AKR1C3: variants seen among roughly 807,000 people sequenced by gnomAD.
AKR1C3 encodes the protein 3-alpha hydroxysteroid dehydrogenase, type II.
Under a neutral mutation model 43.6 loss-of-function variants are expected in AKR1C3, and 48 were observed. The observed-to-expected ratio is 1.10, with a 90% CI of 0.87 to 1.40. The LOEUF (loss-of-function observed/expected upper bound fraction) is 1.40. Among genes scored for constraint, AKR1C3 ranks in the 40% most tolerant of loss-of-function variants. The pLI, the probability that AKR1C3 is intolerant of heterozygous loss-of-function variation, is 0.00. For synonymous variants in AKR1C3, 162 were observed against 139.6 expected (o/e 1.16, Z -1.13); for missense variants, 482 against 391.2 (o/e 1.23, Z -1.96).
At chr10:5,048,854 T>C (rs781981438) in exon 1 of AKR1C3, 1 of 1,613,916 alleles carries the variant, frequency 6.2e-7, no homozygotes. Flanking sequence ...TGATGGTCAC[T>C]TCATGCCTGT....
chr10:5,053,163 G>A (rs1838187353), intron 1 of AKR1C3, among the ~76,000 whole-genome samples: 1 of 152,252 alleles, frequency 6.6e-6, no homozygotes. Flanking sequence ...CAGCACTTGG[G>A]TGGTTGATGG....
At chr10:5,107,152 TAAGTA>T (rs587677880) in intron 8 of AKR1C3, among the ~76,000 whole-genome samples, 22 of 152,304 alleles carry the variant, frequency 1.4e-4, no homozygotes, top group African/African-American at 5.3e-4. Flanking sequence ...TAGCAGGTAA[TAAGTA>T]AAGTAACAAA....
chr10:5,069,694 G>A (rs959230484), intron 1 of AKR1C3, among the ~76,000 whole-genome samples: 2 of 152,078 alleles, frequency 1.3e-5, no homozygotes, highest in Non-Finnish European at 2.9e-5. Context: ...GGCCAACATG[G>A]TGAAACCCCC....
chr10:5,093,541 G>C (rs1839140645), upstream of AKR1C3: 1 of 151,948 alleles, frequency 6.6e-6, no homozygotes, highest in Non-Finnish European at 1.5e-5. Flanking sequence ...TCCCACATGA[G>C]AATTATTCAT....
chr10:5,050,001 C>A (rs2131767267), intron 1 of AKR1C3, among the ~76,000 whole-genome samples: 1 of 151,122 alleles, frequency 6.6e-6, no homozygotes, highest in South Asian at 2.1e-4. Flanking sequence ...AGTGGACACA[C>A]TGTGGATACT....
chr10:5,103,024 G>A (rs991520155), intron 7 of AKR1C3, among the ~76,000 whole-genome samples: 1 of 150,708 alleles, frequency 6.6e-6, no homozygotes, highest in Admixed American at 6.6e-5. Context: ...TGAGTAGCTG[G>A]GATTACAGGT....
intron 1 of AKR1C3, among the ~76,000 whole-genome samples, chr10:5,071,364 C>T (rs1554781297): frequency 6.6e-6 from 1 of 152,098 alleles, no homozygotes. Flanking sequence ...CTGTCTATTC[C>T]CTCTCTACAT....
chr10:5,084,654 A>T (rs1347734706), intron 1 of AKR1C3, among the ~76,000 whole-genome samples: 1 of 152,098 alleles, frequency 6.6e-6, no homozygotes, highest in African/African-American at 2.4e-5. Context: ...TTGAATCTAT[A>T]AATTACCTTG....
intron 7 of AKR1C3, chr10:5,105,279 ACAT>A (rs1839470603): frequency 2.0e-5 from 4 of 196,988 alleles, no homozygotes; most frequent in African/African-American, 9.4e-5. Flanking sequence ...CCTTCTAGGT[ACAT>A]GACCCTATCA....
At chr10:5,069,453 T>G (rs1014947215) in intron 1 of AKR1C3, among the ~76,000 whole-genome samples, 1 of 152,278 alleles carries the variant, frequency 6.6e-6, no homozygotes, top group Non-Finnish European at 1.5e-5. Context: ...TGATAACTTC[T>G]GAATTATACA....
At chr10:5,086,090 A>T (rs1484405335) in intron 1 of AKR1C3, among the ~76,000 whole-genome samples, 12 of 151,380 alleles carry the variant, frequency 7.9e-5, no homozygotes, top group African/African-American at 2.9e-4. Flanking sequence ...TTCTGCTCTG[A>T]TCTTAGTTAT....
intron 3 of AKR1C3, chr10:5,098,177 A>G (rs1453872770): frequency 1.0e-6 from 1 of 985,758 alleles, no homozygotes; most frequent in Non-Finnish European, 1.2e-6. Flanking sequence ...ATGGGAAGTC[A>G]AAGACATGGC....
intron 1 of AKR1C3, among the ~76,000 whole-genome samples, chr10:5,083,006 G>A (rs1302761894): frequency 1.3e-5 from 2 of 151,932 alleles, no homozygotes; most frequent in Non-Finnish European, 1.5e-5. Flanking sequence ...GGTCTGCTCT[G>A]GATTTCTATT....
intron 1 of AKR1C3, among the ~76,000 whole-genome samples, chr10:5,074,373 T>G (rs1554781614): frequency 6.6e-6 from 1 of 152,176 alleles, no homozygotes; most frequent in African/African-American, 2.4e-5. Context: ...AATTTCAAGA[T>G]GGCTATTCAG....
chr10:5,087,750 G>A (rs1030122007), intron 1 of AKR1C3, among the ~76,000 whole-genome samples: 1 of 150,430 alleles, frequency 6.6e-6, no homozygotes, highest in African/African-American at 2.4e-5. Flanking sequence ...TATCAATTTT[G>A]TTTATCCTTT....
chr10:5,094,080 A>T (rs1301859611), upstream of AKR1C3: 1 of 168,766 alleles, frequency 5.9e-6, no homozygotes, highest in Admixed American at 6.1e-5. Flanking sequence ...AAACGAAAAA[A>T]GATATTTGTA....
intron 1 of AKR1C3, among the ~76,000 whole-genome samples, chr10:5,063,460 A>T (rs1554780437): frequency 6.6e-6 from 1 of 152,140 alleles, no homozygotes; most frequent in Non-Finnish European, 1.5e-5. Context: ...AGTAAAGGTG[A>T]ATATGAAGGA....
chr10:5,060,960 C>A (rs921392926), intron 1 of AKR1C3, among the ~76,000 whole-genome samples: 31 of 152,360 alleles, frequency 2.0e-4, no homozygotes, highest in African/African-American at 7.0e-4. Context: ...GAGCCCATGC[C>A]CACCTGGAAC....
intron 1 of AKR1C3, among the ~76,000 whole-genome samples, chr10:5,061,030 C>G (rs1554780182): frequency 6.6e-6 from 1 of 152,196 alleles, no homozygotes; most frequent in East Asian, 1.9e-4. Context: ...TCTCCCTCCA[C>G]ACCTCCCTGC....
Sources: gnomAD v4.1 joint callset for allele counts (sites outside exome capture counted in the v4.1 genomes callset) on GRCh38, gnomAD v4.1.1 for gene constraint, MANE v1.5 for transcripts, NCBI Gene and HGNC (gene_info 2026-07-23, HGNC 2026-07-21) for gene names.